LRRC4C: variants seen among roughly 807,000 people sequenced by gnomAD.
The protein encoded by LRRC4C is leucine-rich repeat-containing protein 4C.
A neutral mutation model predicts 33.6 loss-of-function variants in LRRC4C; 5 were observed. That is an observed-to-expected ratio of 0.15 (90% CI 0.08 to 0.31). The LOEUF (loss-of-function observed/expected upper bound fraction) is 0.31, where lower values mean the gene tolerates loss of function less well. LRRC4C is among the 10% of genes least tolerant of loss of function. The probability of loss-of-function intolerance (pLI) is 1.00; values close to 1 mark genes in which losing one functional copy is unlikely to be tolerated. For synonymous variants in LRRC4C, 329 were observed against 302.0 expected, an observed-to-expected ratio of 1.09 and a Z score of -0.93; for missense variants, 560 against 796.7, an observed-to-expected ratio of 0.70 and a Z score of 3.58.
intron 3 of LRRC4C, among the ~76,000 whole-genome samples, chr11:40,476,342 CTTTTTTTTTTT>C (rs71308392): frequency 1.2e-5 from 1 of 81,370 alleles, no homozygotes; most frequent in Non-Finnish European, 2.5e-5. Context: ...TTTTTTTCTT[CTTTTTTTTTTT>C]TTTTTTTTTT....
chr11:40,450,985 C>T (rs979051775), intron 3 of LRRC4C, among the ~76,000 whole-genome samples: 1 of 151,224 alleles, frequency 6.6e-6, no homozygotes, highest in Non-Finnish European at 1.5e-5. Flanking sequence ...ATACAACATA[C>T]CAAAACTTAT....
intron 1 of LRRC4C, among the ~76,000 whole-genome samples, chr11:41,149,217 G>T: frequency 6.6e-6 from 1 of 152,104 alleles, no homozygotes; most frequent in East Asian, 1.9e-4. Context: ...TTAAAATGAA[G>T]GGCTGAGGCC....
intron 5 of LRRC4C, among the ~76,000 whole-genome samples, chr11:40,202,861 C>T (rs367969904): frequency 6.6e-6 from 1 of 152,196 alleles, no homozygotes; most frequent in South Asian, 2.1e-4. Context: ...ACCTAACATC[C>T]TGCAGAGCAG....
At chr11:41,059,586 T>C (rs3103799) in intron 1 of LRRC4C, among the ~76,000 whole-genome samples, 148,220 of 152,248 alleles carry the variant, frequency 0.97, 72,301 homozygotes, top group East Asian at 1. Context: ...TGTTTTAATG[T>C]TTTTCTTTTT....
intron 1 of LRRC4C, among the ~76,000 whole-genome samples, chr11:41,025,510 G>A (rs1856282195): frequency 7.7e-6 from 1 of 129,212 alleles, no homozygotes; most frequent in East Asian, 2.2e-4. Context: ...TTCTATAAAG[G>A]CCTGAAGGTA....
chr11:41,061,874 T>G (rs1937796348), intron 1 of LRRC4C, among the ~76,000 whole-genome samples: 1 of 151,702 alleles, frequency 6.6e-6, no homozygotes, highest in East Asian at 1.9e-4. Context: ...TGCTGGGAAA[T>G]GCAATATGGC....
intron 1 of LRRC4C, among the ~76,000 whole-genome samples, chr11:41,259,355 C>A (rs755347746): frequency 3.3e-5 from 5 of 152,034 alleles, no homozygotes; most frequent in Non-Finnish European, 5.9e-5. Flanking sequence ...TATTACTTAA[C>A]TATCTAACAT....
intron 1 of LRRC4C, among the ~76,000 whole-genome samples, chr11:41,409,249 C>T (rs1312950765): frequency 1.3e-5 from 2 of 152,200 alleles, no homozygotes; most frequent in Non-Finnish European, 2.9e-5. Flanking sequence ...AGCAAAATGT[C>T]TCTGATACCA....
chr11:41,209,294 C>T (rs1310951518), intron 1 of LRRC4C, among the ~76,000 whole-genome samples: 1 of 150,898 alleles, frequency 6.6e-6, no homozygotes, highest in Non-Finnish European at 1.5e-5. Flanking sequence ...ATTTGCCTTG[C>T]TAGATTTTTG....
intron 1 of LRRC4C, among the ~76,000 whole-genome samples, chr11:41,092,832 G>T (rs1246811560): frequency 6.6e-6 from 1 of 152,196 alleles, no homozygotes; most frequent in Non-Finnish European, 1.5e-5. Flanking sequence ...GCTGTTTATT[G>T]TTATGCCTCA....
chr11:40,625,999 C>T (rs960762997), intron 3 of LRRC4C, among the ~76,000 whole-genome samples: 5 of 152,072 alleles, frequency 3.3e-5, no homozygotes, highest in Admixed American at 6.5e-5. Flanking sequence ...TCAAAATTTC[C>T]CAATGACTTT....
intron 5 of LRRC4C, among the ~76,000 whole-genome samples, chr11:40,145,646 C>T (rs1857678214): frequency 6.6e-6 from 1 of 152,124 alleles, no homozygotes; most frequent in Non-Finnish European, 1.5e-5. Context: ...GTCATGCTGC[C>T]ATTTGTACAT....
At chr11:40,413,736 A>G (rs1284310453) in intron 3 of LRRC4C, among the ~76,000 whole-genome samples, 1 of 152,134 alleles carries the variant, frequency 6.6e-6, no homozygotes, top group African/African-American at 2.4e-5. Flanking sequence ...AAGCCAGAAA[A>G]GCCCAGAATG....
chr11:40,426,527 A>C (rs943368901), intron 3 of LRRC4C, among the ~76,000 whole-genome samples: 4 of 151,624 alleles, frequency 2.6e-5, no homozygotes, highest in African/African-American at 7.3e-5. Flanking sequence ...AAGAACGCCT[A>C]CTCTGACCAG....
intron 3 of LRRC4C, among the ~76,000 whole-genome samples, chr11:40,372,240 G>T (rs551748267): frequency 1.8e-4 from 28 of 152,282 alleles, no homozygotes; most frequent in South Asian, 1.0e-3. Context: ...GAGGATAATG[G>T]TGAAGGAAGA....
At chr11:40,142,715 A>C (rs1464207726) in intron 5 of LRRC4C, among the ~76,000 whole-genome samples, 1 of 151,758 alleles carries the variant, frequency 6.6e-6, no homozygotes, top group East Asian at 1.9e-4. Flanking sequence ...CCAGGTCTCA[A>C]ATCAGTGGAC....
At chr11:41,099,425 T>C (rs985090774) in intron 1 of LRRC4C, among the ~76,000 whole-genome samples, 14 of 148,346 alleles carry the variant, frequency 9.4e-5, no homozygotes, top group African/African-American at 2.7e-4. Context: ...TCCATGAACA[T>C]AGATACAAAA....
At chr11:40,540,767 T>A (rs1956676665) in intron 3 of LRRC4C, among the ~76,000 whole-genome samples, 1 of 152,160 alleles carries the variant, frequency 6.6e-6, no homozygotes, top group Non-Finnish European at 1.5e-5. Context: ...TAGTTTTAGT[T>A]TTTTGTTTTC....
At chr11:40,289,618 T>A (rs542961439) in intron 4 of LRRC4C, among the ~76,000 whole-genome samples, 4 of 152,286 alleles carry the variant, frequency 2.6e-5, no homozygotes, top group Non-Finnish European at 5.9e-5. Flanking sequence ...CCCTAATTCT[T>A]TGAAAAGTAC....
Sources: gnomAD v4.1 joint callset for allele counts (sites outside exome capture counted in the v4.1 genomes callset) on GRCh38, gnomAD v4.1.1 for gene constraint, MANE v1.5 for transcripts, NCBI Gene and HGNC (gene_info 2026-07-23, HGNC 2026-07-21) for gene names.